The following USP34 variants were observed in gnomAD, a reference collection of about 807,000 sequenced individuals.
USP34 encodes the protein ubiquitin specific peptidase 34.
In USP34, 70 loss-of-function variants were observed where a neutral mutation model predicts 460.3. The ratio of observed to expected loss-of-function variants is 0.15; its 90% CI spans 0.13 to 0.19. The LOEUF is 0.19. Ranked by LOEUF, USP34 falls within the 10% of genes least tolerant of loss-of-function variation. USP34 has a pLI of 1.00. For synonymous variants in USP34, 1,647 were observed against 1,405.3 expected (o/e 1.17, Z -3.85); for missense variants, 3,985 against 4,236.2 (o/e 0.94, Z 1.65).
At chr2:61,438,333 CA>C (rs758040402) in intron 1 of USP34, among the ~76,000 whole-genome samples, 32 of 152,042 alleles carry the variant, frequency 2.1e-4, no homozygotes, top group Non-Finnish European at 3.7e-4. Context: ...AACTCTAGGC[CA>C]GGCGTGGTGG....
chr2:61,362,256 C>CA (rs908063317), intron 10 of USP34, among the ~76,000 whole-genome samples: 1 of 152,084 alleles, frequency 6.6e-6, no homozygotes, highest in Non-Finnish European at 1.5e-5. Flanking sequence ...GGACGTTCCT[C>CA]AAAAAATTAA....
At chr2:61,349,102 G>T in intron 13 of USP34, 148 bp downstream of exon 13, 3 of 1,047,162 alleles carry the variant, frequency 2.9e-6, no homozygotes, top group Non-Finnish European at 4.0e-6. Flanking sequence ...AAGAAAAATG[G>T]GTAACACGAA....
intron 27 of USP34, among the ~76,000 whole-genome samples, chr2:61,307,415 G>A (rs1472962774): frequency 1.3e-5 from 2 of 151,916 alleles, no homozygotes; most frequent in Non-Finnish European, 2.9e-5. Flanking sequence ...GTATACATTT[G>A]TAACAAACCT....
At chr2:61,250,315 T>G (rs1244170348) in intron 48 of USP34, 1 of 183,732 alleles carries the variant, frequency 5.4e-6, no homozygotes, top group African/African-American at 2.4e-5. Context: ...GGACATGGGA[T>G]TGGTTGAGTT....
At chr2:61,247,381 T>A (rs750192805) in intron 49 of USP34, among the ~76,000 whole-genome samples, 39 of 151,968 alleles carry the variant, frequency 2.6e-4, no homozygotes, top group Non-Finnish European at 3.2e-4. Flanking sequence ...GATATGCTTA[T>A]GGAGGCAGTG....
rs60247282 is a variant in USP34 at position 61,349,395 on chromosome 2, C to A, written c.1508-110G>T. The A allele has an allele frequency of 6.5e-3, 7,354 of 1,134,156 alleles. 366 individuals are homozygous for A. In the African/African-American group the frequency reaches 0.1, roughly 16 times the overall value. 70.3% of individuals were successfully genotyped at this position (1,134,156 alleles called of 1,614,324 possible). A position where few individuals can be genotyped will look rare whatever the true frequency, so the allele number is the denominator to read the frequency against. On this transcript the variant is annotated intron_variant, in intron 12 of 79. Coordinates refer to ENST00000398571, the MANE Select transcript of USP34 (RefSeq NM_014709.4). The stretch of plus-strand genomic sequence containing the variant: ...AATCAACAAGATGTAAGTGGAGAAA[C>A]CTGCAATAAGGTTAAGTCCCCACCA...
At chr2:61,331,994 T>A (rs986054065) in intron 19 of USP34, among the ~76,000 whole-genome samples, 2 of 152,084 alleles carry the variant, frequency 1.3e-5, no homozygotes, top group African/African-American at 4.8e-5. Context: ...CTAAGTTCCA[T>A]GTAATTTACA....
chr2:61,309,035 AAACAAC>A (rs568927718), intron 27 of USP34, among the ~76,000 whole-genome samples: 34 of 151,282 alleles, frequency 2.2e-4, no homozygotes, highest in African/African-American at 4.2e-4. Context: ...ACTATCTCAA[AAACAAC>A]AACAACAACA....
At chr2:61,464,511 A>G (rs1008776431) in intron 1 of USP34, among the ~76,000 whole-genome samples, 1 of 152,182 alleles carries the variant, frequency 6.6e-6, no homozygotes, top group Non-Finnish European at 1.5e-5. Flanking sequence ...CCTATCTCAC[A>G]TGAATTATCC....
chr2:61,202,128 G>A (rs767903011), intron 75 of USP34, among the ~76,000 whole-genome samples: 1 of 152,150 alleles, frequency 6.6e-6, no homozygotes, highest in Non-Finnish European at 1.5e-5. Flanking sequence ...TGCTGAAGTG[G>A]AATTATCCCT....
intron 10 of USP34, among the ~76,000 whole-genome samples, chr2:61,352,067 T>C (rs1293102792): frequency 2.0e-5 from 3 of 152,176 alleles, no homozygotes; most frequent in Non-Finnish European, 2.9e-5. Context: ...TTGGAGTATC[T>C]GCATTATATA....
chr2:61,356,475 G>GCGCGCACACACACACACA (rs369666693), intron 10 of USP34, among the ~76,000 whole-genome samples: 4 of 128,424 alleles, frequency 3.1e-5, no homozygotes, highest in African/African-American at 1.1e-4. Flanking sequence ...GGGTGAAAGC[G>GCGCGCACACACACACACA]CACACACACA....
chr2:61,343,121 C>T (rs1179337963), intron 16 of USP34, among the ~76,000 whole-genome samples: 2 of 152,220 alleles, frequency 1.3e-5, no homozygotes, highest in East Asian at 3.8e-4. Flanking sequence ...TTATAATGTA[C>T]TGGCTATCCA....
intron 1 of USP34, among the ~76,000 whole-genome samples, chr2:61,430,835 C>T (rs943536414): frequency 7.9e-5 from 12 of 151,996 alleles, no homozygotes; most frequent in African/African-American, 2.4e-4. Context: ...GCAACCCCTT[C>T]GCTACAAAAA....
rs1688539234 is a variant in USP34, at chr2:61,250,233, T to C, written c.6222-1550A>G. On this transcript the variant is annotated intron_variant, in intron 48 of 79. Coordinates refer to ENST00000398571, the MANE Select transcript of USP34 (RefSeq NM_014709.4). ...ACTCAAAAAAGAAAAGAAAAACAGC[T>C]CTCAGTCTGAGGAAGGTTATATTGA... 3 of 170,052 alleles carry C rather than the reference T, an allele frequency of 1.8e-5. No homozygotes were observed. The South Asian group carries it at 4.0e-4, about 23-fold the overall frequency. The allele number at this position is 170,052 out of a possible 1,614,324, so 10.5% of individuals were successfully genotyped here.
At chr2:61,381,257 AAAAAT>A in intron 6 of USP34, among the ~76,000 whole-genome samples, 1 of 128,288 alleles carries the variant, frequency 7.8e-6, no homozygotes, top group Non-Finnish European at 1.7e-5. Flanking sequence ...AAAACTAAAA[AAAAAT>A]AAAACACACA....
chr2:61,209,909 G>C (rs6545845), intron 69 of USP34, among the ~76,000 whole-genome samples: 56,303 of 151,748 alleles, frequency 0.37, 10,454 homozygotes, highest in African/African-American at 0.4. Flanking sequence ...AATTGTGTGT[G>C]TTTATGTCTT....
In USP34 at chr2:61,364,408, C is replaced by T. The variant is rs190840354; in HGVS notation, c.1251+5913G>A. Among the ~76,000 whole-genome samples the T allele has an allele frequency of 2.9e-3, 438 of 151,946 alleles. 1 individual carries two copies. Among genetic ancestry groups the T allele is most frequent in the African/African-American group, 9.6e-3 (398 of 41,426 alleles). On this transcript the variant is annotated intron_variant, in intron 10 of 79. Transcript: ENST00000398571. ...CAGAAGAAACCAGGGGCTGAAAGGA[C>T]GAAGGAAATTAAGAGTTATTATTTT...
Position 61,317,695 on chromosome 2 carries a change from G to A in USP34, c.3241C>T (p.Arg1081Ter). ...NLFQHLCNLA[R>*]LATSAYDGCS... is the part of the protein sequence containing the mutation. Reference sequence around the variant, plus strand: ...CCATCATAGGCACTGGTAGCCAATCGAGCCAAGTTACAGAGATGCTGAAAC... The same window carrying A: ...CCATCATAGGCACTGGTAGCCAATCAAGCCAAGTTACAGAGATGCTGAAAC... Residue 1081 changes from arginine (R) to a stop codon, truncating the protein, a stop_gained, in exon 23 of 80, where the codon CGA becomes TGA. Coordinates refer to ENST00000398571, the MANE Select transcript of USP34 (RefSeq NM_014709.4). LOFTEE classifies it high-confidence loss of function. The A allele has an allele frequency of 6.2e-7, 1 of 1,614,040 alleles. No individual in the cohort carries two copies. The highest frequency in any genetic ancestry group is 8.5e-7 in the Non-Finnish European group (1 of 1,180,004).
Sources: gnomAD v4.1 joint callset for allele counts (sites outside exome capture counted in the v4.1 genomes callset) on GRCh38, gnomAD v4.1.1 for gene constraint, MANE v1.5 for transcripts, NCBI Gene and HGNC (gene_info 2026-07-23, HGNC 2026-07-21) for gene names.